Variants in C5orf63 observed in about 807,000 individuals in gnomAD.
The protein encoded by C5orf63 is chromosome 5 open reading frame 63.
In C5orf63, 18 loss-of-function variants were observed where a neutral mutation model predicts 13.3. The observed-to-expected ratio is 1.36, with a 90% CI of 0.94 to 2.01. The LOEUF is 2.01. C5orf63 is among the 30% of genes most tolerant of loss of function. The pLI is 0.00. For synonymous variants in C5orf63, 38 were observed against 44.7 expected (o/e 0.85, Z 0.60); for missense variants, 118 against 127.7 (o/e 0.92, Z 0.36).
intron 2 of C5orf63, among the ~76,000 whole-genome samples, chr5:127,062,617 T>G (rs1362862046): frequency 2.0e-5 from 3 of 152,184 alleles, no homozygotes; most frequent in Non-Finnish European, 4.4e-5. Flanking sequence ...AACTCTATAA[T>G]ATTCTTCTTA....
intron 2 of C5orf63, among the ~76,000 whole-genome samples, chr5:127,061,999 A>G (rs1417350276): frequency 1.3e-5 from 2 of 152,186 alleles, no homozygotes; most frequent in East Asian, 3.8e-4. Flanking sequence ...AGATTTATTG[A>G]CGTCTGGTTG....
Position 127,058,911 on chromosome 5 carries a change from T to A in C5orf63, c.85A>T (p.Thr29Ser). The change falls in exon 3 of 5, where the codon ACT becomes TCT. Residue 29 changes from threonine (T) to serine (S), a missense_variant. By Grantham distance (58) the Thr-to-Ser change is moderately conservative. Coordinates refer to ENST00000296662, the MANE Select transcript of C5orf63 (RefSeq NM_001164478.2). ...FLRNCSASKT[T>S]LPVLTLFTKD... ...GTGAATAAGGTCAACACAGGCAGAG[T>A]TGTCTTAGAGGCAGAGCAATTTCTC... 6.5e-7 allele frequency: 1 copy of A among 1,536,818 alleles called. No homozygotes were observed. Among genetic ancestry groups the A allele is most frequent in the Non-Finnish European group, 8.7e-7 (1 of 1,146,498 alleles).
intron 2 of C5orf63, among the ~76,000 whole-genome samples, chr5:127,061,727 GA>G (rs1580531669): frequency 6.6e-6 from 1 of 152,202 alleles, no homozygotes; most frequent in Non-Finnish European, 1.5e-5. Flanking sequence ...AGGAGGTACA[GA>G]ATTGTTAGCC....
chr5:127,058,769 T>C (rs1318833251), intron 3 of C5orf63, 113 bp downstream of exon 3: 2 of 660,020 alleles, frequency 3.0e-6, no homozygotes, highest in Non-Finnish European at 5.2e-6. Flanking sequence ...GATAGAAAAA[T>C]TGAAGAGCAG....
chr5:127,068,357 G>A (rs1451062971), intron 2 of C5orf63, among the ~76,000 whole-genome samples: 2 of 152,116 alleles, frequency 1.3e-5, no homozygotes, highest in African/African-American at 4.8e-5. Flanking sequence ...AGGCAGAAGT[G>A]TAAAGATACT....
Position 127,051,742 on chromosome 5 carries a change from G to A in C5orf63, c.*29C>T. 2 of 1,467,850 alleles carry A rather than the reference G, an allele frequency of 1.4e-6. No homozygotes were observed. The highest frequency in any genetic ancestry group is 2.8e-5 in the South Asian group (2 of 71,784). 90.9% of individuals were successfully genotyped at this position (1,467,850 alleles called of 1,614,324 possible). On this transcript the variant is annotated 3_prime_UTR_variant, in exon 5 of 5. Coordinates refer to ENST00000296662, the MANE Select transcript of C5orf63 (RefSeq NM_001164478.2). ...TCCTTAGGAAGATGCTTTATGGGAA[G>A]AGAGGGTGGAAAATCATGAGGGCAT...
chr5:127,052,889 T>G (rs1428840829), intron 3 of C5orf63, among the ~76,000 whole-genome samples: 1 of 152,226 alleles, frequency 6.6e-6, no homozygotes, highest in African/African-American at 2.4e-5. Context: ...TTTGGTTGTT[T>G]TGTTCTGATT....
chr5:127,048,141 G>A (rs1278021593), downstream of C5orf63, among the ~76,000 whole-genome samples: 3 of 151,664 alleles, frequency 2.0e-5, no homozygotes, highest in Non-Finnish European at 2.9e-5. Flanking sequence ...TCAGCCCCTC[G>A]GAACCCAGTG....
chr5:127,066,714 T>C (rs1754346460), intron 2 of C5orf63, among the ~76,000 whole-genome samples: 1 of 151,916 alleles, frequency 6.6e-6, no homozygotes, highest in Non-Finnish European at 1.5e-5. Context: ...GACTTGAGTC[T>C]CCATCGGTTT....
intron 2 of C5orf63, among the ~76,000 whole-genome samples, chr5:127,066,737 T>C (rs1561492674): frequency 6.6e-6 from 1 of 152,094 alleles, no homozygotes; most frequent in East Asian, 1.9e-4. Context: ...GGATTATATT[T>C]ACAGCTATGA....
intron 3 of C5orf63, among the ~76,000 whole-genome samples, chr5:127,054,768 T>C (rs1339987967): frequency 1.3e-5 from 2 of 152,246 alleles, no homozygotes; most frequent in African/African-American, 4.8e-5. Flanking sequence ...ATTTTGGCTT[T>C]TGTTGCCATT....
chr5:127,069,732 C>T (rs1754463324), intron 2 of C5orf63, among the ~76,000 whole-genome samples: 2 of 152,096 alleles, frequency 1.3e-5, no homozygotes, highest in South Asian at 4.1e-4. Context: ...GCTGTGGCAT[C>T]CCTCAGTTAT....
intron 2 of C5orf63, among the ~76,000 whole-genome samples, chr5:127,060,751 G>C (rs145873982): frequency 0.014 from 2,179 of 152,134 alleles, 63 homozygotes; most frequent in African/African-American, 0.049. Flanking sequence ...CTCTGAAGTA[G>C]CTTCTCCTCA....
downstream of C5orf63, among the ~76,000 whole-genome samples, chr5:127,049,143 C>T (rs986653657): frequency 1.3e-5 from 2 of 152,100 alleles, no homozygotes; most frequent in African/African-American, 2.4e-5. Context: ...GTAGGGAGGC[C>T]AGACACCCCT....
downstream of C5orf63, chr5:127,043,074 T>C (rs1561485418): frequency 1.3e-5 from 2 of 152,250 alleles, no homozygotes; most frequent in Non-Finnish European, 2.9e-5. Flanking sequence ...CTTGAAGGCA[T>C]CTGCTGGTCT....
chr5:127,073,226 C>G (rs1580538764), intron 1 of C5orf63: 1 of 152,106 alleles, frequency 6.6e-6, no homozygotes, highest in Non-Finnish European at 1.5e-5. Context: ...TTTTCCCGCC[C>G]GTCATTTATT....
At chr5:127,058,272 A>G (rs1181623737) in intron 3 of C5orf63, among the ~76,000 whole-genome samples, 1 of 152,186 alleles carries the variant, frequency 6.6e-6, no homozygotes, top group Non-Finnish European at 1.5e-5. Context: ...GCTCCCACTT[A>G]TAAGTGAGAA....
chr5:127,047,374 C>CA (rs141253556), downstream of C5orf63: 2,034 of 249,942 alleles, frequency 8.1e-3, 16 homozygotes, highest in Middle Eastern at 0.028. Context: ...TAATAGGTGA[C>CA]ATAACACTGA....
At chr5:127,061,587 C>G in intron 2 of C5orf63, among the ~76,000 whole-genome samples, 1 of 152,314 alleles carries the variant, frequency 6.6e-6, no homozygotes, top group South Asian at 2.1e-4. Context: ...CTACTCTCAA[C>G]GAAGTGTTAA....
Sources: gnomAD v4.1 joint callset for allele counts (sites outside exome capture counted in the v4.1 genomes callset) on GRCh38, gnomAD v4.1.1 for gene constraint, MANE v1.5 for transcripts, NCBI Gene and HGNC (gene_info 2026-07-23, HGNC 2026-07-21) for gene names.